Variants in GALK1 observed in about 807,000 individuals in gnomAD.
GALK1 encodes the protein galactokinase.
In GALK1, 30 loss-of-function variants were observed where a neutral mutation model predicts 38.6. That is an observed-to-expected ratio of 0.78 (90% CI 0.58 to 1.05). The LOEUF (loss-of-function observed/expected upper bound fraction) is 1.05, where lower values mean the gene tolerates loss of function less well. Among genes scored for constraint, GALK1 ranks in the 50% least tolerant of loss-of-function variants. The pLI is 0.00. For missense variants in GALK1, 512 were observed against 540.5 expected (o/e 0.95, Z 0.52); for synonymous variants, 240 against 233.6 (o/e 1.03, Z -0.25).
At chr17:75,762,514 G>C (rs1195937154) in intron 5 of GALK1, among the ~76,000 whole-genome samples, 190 bp downstream of exon 5, 2 of 152,274 alleles carry the variant, frequency 1.3e-5, no homozygotes, top group South Asian at 2.1e-4. Flanking sequence ...TTTCTGATTA[G>C]ATAAGACCAT....
chr17:75,752,080 T>C, intron 8 of GALK1: 1 of 1,362,426 alleles, frequency 7.3e-7, no homozygotes. Flanking sequence ...CTGGGTGCCA[T>C]CCAGGGGATG....
rs1291098480 is a variant in GALK1, at chr17:75,763,104, T to G, written c.521A>C (p.Glu174Ala). ...ACAGGGCATCCCTGCGAAGCTGTGCTCGGCCTGCTGACACACCTGGGCGCG... is the reference window on the plus strand; with the variant it reads ...ACAGGGCATCCCTGCGAAGCTGTGCGCGGCCTGCTGACACACCTGGGCGCG... Reference protein sequence around the residue: ...AARAQVCQQAEHSFAGMPCGI... With the variant: ...AARAQVCQQAAHSFAGMPCGI... The change falls in exon 4 of 8, where the codon GAG becomes GCG. Residue 174 changes from glutamate to alanine, a missense_variant. Glu to Ala is a moderately radical substitution (Grantham distance 107). Coordinates refer to ENST00000588479, the MANE Select transcript of GALK1 (RefSeq NM_000154.2). The G allele has an allele frequency of 6.2e-7, 1 of 1,612,492 alleles. No individual in the cohort carries two copies.
chr17:75,765,105 T>A lies in GALK1; in HGVS notation c.32A>T (p.Glu11Val), dbSNP rs772869482. The change falls in exon 1 of 8, where the codon GAG becomes GTG. Residue 11 changes from glutamate (E) to valine (V), a missense_variant. By Grantham distance (121) the Glu-to-Val change is moderately radical (BLOSUM62 -2). Coordinates refer to ENST00000588479, the MANE Select transcript of GALK1 (RefSeq NM_000154.2). MAALRQPQVA[E>V]LLAEARRAFR... ...GGCTCGCCGGGCCTCGGCCAGCAGC[T>A]CCGCGACCTGGGGCTGTCTCAAAGC... 1.2e-5 allele frequency: 19 copies of A among 1,586,666 alleles called. No individual in the cohort carries two copies. Among genetic ancestry groups the A allele is most frequent in the Admixed American group, 7.1e-5 (4 of 55,964 alleles).
chr17:75,764,531 G>GT (rs1420243207), intron 1 of GALK1: 1 of 490,080 alleles, frequency 2.0e-6, no homozygotes, highest in African/African-American at 1.9e-5. Context: ...ACCTCCAGCA[G>GT]TTCACTGGGC....
downstream of GALK1, chr17:75,755,933 G>T (rs1392838110): frequency 6.6e-7 from 1 of 1,507,046 alleles, no homozygotes; most frequent in Non-Finnish European, 9.0e-7. Context: ...CCTCAGCTGT[G>T]TCAGGAACCC....
At chr17:75,755,978 G>A (rs1008178), downstream of GALK1, 2 of 1,147,580 alleles carry the variant, frequency 1.7e-6, no homozygotes, top group African/African-American at 3.1e-5. Context: ...CCCCCATCCA[G>A]CCTGAGAGGG....
chr17:75,761,309 A>G (rs370181892), intron 5 of GALK1, among the ~76,000 whole-genome samples: 1 of 152,100 alleles, frequency 6.6e-6, no homozygotes, highest in African/African-American at 2.4e-5. Context: ...TGAATGCTAA[A>G]ATATTGTGGA....
intron 5 of GALK1, among the ~76,000 whole-genome samples, chr17:75,762,210 G>A (rs2061590280): frequency 6.6e-6 from 1 of 152,144 alleles, no homozygotes; most frequent in African/African-American, 2.4e-5. Flanking sequence ...TCAGCTACTT[G>A]GAAGGCTGAG....
At chr17:75,764,448 C>T (rs1358922545) in intron 1 of GALK1, 2 of 566,406 alleles carry the variant, frequency 3.5e-6, no homozygotes, top group Non-Finnish European at 6.8e-6. Context: ...GCAGATGGGG[C>T]GGAAAGCGCC....
At chr17:75,764,695 T>C (rs757241832) in intron 1 of GALK1, 11 of 595,418 alleles carry the variant, frequency 1.8e-5, no homozygotes, top group South Asian at 1.3e-4. Flanking sequence ...AAGGGGAACA[T>C]GCTCCCAGGT....
chr17:75,762,612 G>C, intron 5 of GALK1, 92 bp downstream of exon 5: 1 of 1,364,036 alleles, frequency 7.3e-7, no homozygotes, highest in African/African-American at 1.4e-5. Flanking sequence ...GAAGGCCCTG[G>C]AGATCGGGGT....
intron 5 of GALK1, among the ~76,000 whole-genome samples, chr17:75,758,882 C>T (rs1223389360): frequency 6.6e-6 from 1 of 152,168 alleles, no homozygotes; most frequent in Non-Finnish European, 1.5e-5. Context: ...AAGAGGCCAC[C>T]ACAGAGCAGG....
chr17:75,754,814 C>T (rs143636541), downstream of GALK1: 15 of 1,613,932 alleles, frequency 9.3e-6, no homozygotes, highest in East Asian at 1.3e-4. Context: ...TCTCCTCCCA[C>T]GGTGAGTGAC....
downstream of GALK1, chr17:75,756,610 C>G: frequency 6.2e-7 from 1 of 1,612,822 alleles, no homozygotes; most frequent in Non-Finnish European, 8.5e-7. Flanking sequence ...CACTGTGTCC[C>G]CTGCCAGGTG....
intron 5 of GALK1, among the ~76,000 whole-genome samples, chr17:75,762,285 C>T (rs2061590574): frequency 6.6e-6 from 1 of 151,682 alleles, no homozygotes; most frequent in African/African-American, 2.4e-5. Flanking sequence ...CCACTACACT[C>T]CAGCTTGGGC....
chr17:75,756,426 C>A, downstream of GALK1: 1 of 1,613,248 alleles, frequency 6.2e-7, no homozygotes, highest in Non-Finnish European at 8.5e-7. Context: ...CTGATCCCCC[C>A]AGGTGAGCTG....
chr17:75,758,435 C>A lies in GALK1; in HGVS notation c.944+14G>T. On this transcript the variant is annotated intron_variant, in intron 6 of 7. Coordinates refer to ENST00000588479, the MANE Select transcript of GALK1 (RefSeq NM_000154.2). ...CCTGTGCCCGGCAGGAGCGGGGCGC[C>A]CAGAGGGCCTCACCTGAGTGAGCGG... 6.4e-7 allele frequency: 1 copy of A among 1,574,594 alleles called. No homozygotes were observed.
chr17:75,755,715 G>T, downstream of GALK1: 1 of 1,612,904 alleles, frequency 6.2e-7, no homozygotes, highest in East Asian at 2.2e-5. Context: ...TCGCCTGACT[G>T]CTGGTGTGCC....
intron 8 of GALK1, among the ~76,000 whole-genome samples, chr17:75,752,834 G>C (rs149134233): frequency 2.4e-4 from 36 of 152,274 alleles, no homozygotes; most frequent in African/African-American, 8.4e-4. Context: ...TTCACAAGTT[G>C]AAGGTTCACC....
Sources: allele counts gnomAD v4.1 joint callset (sites outside exome capture counted in the v4.1 genomes callset), GRCh38; gene constraint gnomAD v4.1.1; transcripts MANE v1.5; gene names NCBI Gene and HGNC (gene_info 2026-07-23, HGNC 2026-07-21).